The following TMEM114 variants were observed in gnomAD, a reference collection of about 807,000 sequenced individuals.
The protein encoded by TMEM114 is claudin-26.
In TMEM114, 6 loss-of-function variants were observed where a neutral mutation model predicts 6.2. The ratio of observed to expected loss-of-function variants is 0.97; its 90% CI spans 0.53 to 1.91. The LOEUF (loss-of-function observed/expected upper bound fraction) is 1.91, where lower values mean the gene tolerates loss of function less well. TMEM114 is among the 40% of genes most tolerant of loss of function. The probability of loss-of-function intolerance (pLI) is 0.01; values close to 1 mark genes in which losing one functional copy is unlikely to be tolerated. For synonymous variants in TMEM114, 104 were observed against 73.0 expected (o/e 1.42, Z -2.16); for missense variants, 218 against 158.3 (o/e 1.38, Z -2.02).
intron 2 of TMEM114, among the ~76,000 whole-genome samples, chr16:8,560,647 C>G (rs1901168953): frequency 6.6e-6 from 1 of 152,174 alleles, no homozygotes; most frequent in Admixed American, 6.5e-5. Flanking sequence ...CTATCAGCCT[C>G]TACCAGAGCA....
At chr16:8,561,425 T>G (rs1596477324) in intron 2 of TMEM114, among the ~76,000 whole-genome samples, 2 of 152,308 alleles carry the variant, frequency 1.3e-5, no homozygotes, top group South Asian at 4.1e-4. Flanking sequence ...CCACCAGCCA[T>G]GTTTACTGTC....
intron 2 of TMEM114, among the ~76,000 whole-genome samples, chr16:8,545,291 C>G (rs147145240): frequency 6.6e-6 from 1 of 152,174 alleles, no homozygotes; most frequent in African/African-American, 2.4e-5. Flanking sequence ...TAAAAAATAA[C>G]CAGGCACAGT....
intron 2 of TMEM114, among the ~76,000 whole-genome samples, chr16:8,560,756 C>T (rs1374978068): frequency 2.6e-5 from 4 of 152,154 alleles, no homozygotes; most frequent in South Asian, 2.1e-4. Flanking sequence ...GTCTGGGATC[C>T]CCCATCAGCC....
chr16:8,586,727 C>T (rs1451390393), intron 2 of TMEM114, among the ~76,000 whole-genome samples: 1 of 152,110 alleles, frequency 6.6e-6, no homozygotes, highest in Non-Finnish European at 1.5e-5. Context: ...CCAGGCTGGT[C>T]TCAAACTCCT....
At chr16:8,541,513 A>G (rs575676222) in intron 2 of TMEM114, among the ~76,000 whole-genome samples, 4 of 152,342 alleles carry the variant, frequency 2.6e-5, no homozygotes, top group African/African-American at 9.6e-5. Flanking sequence ...GAAAGATCTC[A>G]GTGTAACCAG....
intron 2 of TMEM114, among the ~76,000 whole-genome samples, chr16:8,578,604 C>T (rs1269187108): frequency 2.6e-5 from 4 of 152,158 alleles, no homozygotes; most frequent in Non-Finnish European, 5.9e-5. Context: ...TGACACCATC[C>T]ACACAGTACC....
At chr16:8,560,246 T>C (rs112088238) in intron 2 of TMEM114, among the ~76,000 whole-genome samples, 11,401 of 151,956 alleles carry the variant, frequency 0.075, 531 homozygotes, top group Middle Eastern at 0.18. Flanking sequence ...GATCCTCCTG[T>C]CTTGGCCTTC....
chr16:8,565,975 G>C (rs561368180), downstream of TMEM114, among the ~76,000 whole-genome samples: 12 of 152,282 alleles, frequency 7.9e-5, no homozygotes, highest in Admixed American at 7.2e-4. Flanking sequence ...AAATAGAAGA[G>C]GAGAGGACAA....
intron 2 of TMEM114, among the ~76,000 whole-genome samples, chr16:8,540,524 A>G (rs545443447): frequency 9.9e-5 from 15 of 152,256 alleles, no homozygotes; most frequent in East Asian, 1.9e-4. Context: ...TACTGTTATA[A>G]TAGCACCCAT....
At chr16:8,566,231 A>G (rs925816276), downstream of TMEM114, among the ~76,000 whole-genome samples, 4 of 152,070 alleles carry the variant, frequency 2.6e-5, no homozygotes, top group Non-Finnish European at 4.4e-5. Context: ...TTAGCCAGGC[A>G]TGGTGCATGG....
At chr16:8,582,088 A>G (rs1902171495) in intron 2 of TMEM114, among the ~76,000 whole-genome samples, 2 of 152,198 alleles carry the variant, frequency 1.3e-5, no homozygotes, top group Non-Finnish European at 2.9e-5. Flanking sequence ...CAGCACCCAG[A>G]AAAACTGGAA....
At chr16:8,534,635 G>A (rs1047193791), downstream of TMEM114, among the ~76,000 whole-genome samples, 2 of 152,344 alleles carry the variant, frequency 1.3e-5, no homozygotes, top group African/African-American at 4.8e-5. Context: ...GGTGCTGAAG[G>A]CAGAGGTGCT....
At chr16:8,558,443 C>G (rs1901087597) in intron 2 of TMEM114, among the ~76,000 whole-genome samples, 1 of 152,010 alleles carries the variant, frequency 6.6e-6, no homozygotes, top group Admixed American at 6.5e-5. Flanking sequence ...ATCTCTCCAT[C>G]CTCACATGGT....
rs572460084 is a variant in TMEM114, at chr16:8,574,727, C to T, written c.302-2503G>A. On this transcript the variant is annotated intron_variant, in intron 2 of 3. Coordinates refer to ENST00000620492, the MANE Select transcript of TMEM114 (RefSeq NM_001146336.2). Reference sequence around the variant, plus strand: ...GTGGCCAAGAAAGGAAATCATTTCTCGTTCAGAAATTAATGAGGTTTCCCA... The same window carrying T: ...GTGGCCAAGAAAGGAAATCATTTCTTGTTCAGAAATTAATGAGGTTTCCCA... 1.8e-4 allele frequency among the ~76,000 whole-genome samples: 28 copies of T among 152,194 alleles called. 1 individual carries two copies. Among genetic ancestry groups the T allele is most frequent in the South Asian group, 1.5e-3 (7 of 4,822 alleles).
chr16:8,532,710 G>C (rs1900253463), downstream of TMEM114, among the ~76,000 whole-genome samples: 1 of 152,056 alleles, frequency 6.6e-6, no homozygotes, highest in Admixed American at 6.6e-5. Context: ...GACTCACGAG[G>C]TCAGGAGATC....
At chr16:8,577,551 T>C (rs1445376540) in intron 2 of TMEM114, among the ~76,000 whole-genome samples, 1 of 152,064 alleles carries the variant, frequency 6.6e-6, no homozygotes, top group Non-Finnish European at 1.5e-5. Context: ...TGATTGGCAA[T>C]GTTTTCTTTT....
intron 2 of TMEM114, among the ~76,000 whole-genome samples, chr16:8,562,842 GAATA>G (rs1901311222): frequency 6.6e-6 from 1 of 150,952 alleles, no homozygotes; most frequent in African/African-American, 2.4e-5. Flanking sequence ...ATGAGTGAGT[GAATA>G]AGTGAGTGAG....
At chr16:8,544,992 A>C (rs75854855) in intron 2 of TMEM114, among the ~76,000 whole-genome samples, 1 of 151,678 alleles carries the variant, frequency 6.6e-6, no homozygotes, top group African/African-American at 2.4e-5. Context: ...TTGGCATTGA[A>C]ATGCAGTTTC....
chr16:8,555,741 G>A (rs956792268), intron 2 of TMEM114, among the ~76,000 whole-genome samples: 3 of 152,298 alleles, frequency 2.0e-5, no homozygotes, highest in Non-Finnish European at 2.9e-5. Context: ...ATCTGGAGAC[G>A]TTTTTGGTTG....
Sources: gnomAD v4.1 joint callset for allele counts (sites outside exome capture counted in the v4.1 genomes callset) on GRCh38, gnomAD v4.1.1 for gene constraint, MANE v1.5 for transcripts, NCBI Gene and HGNC (gene_info 2026-07-23, HGNC 2026-07-21) for gene names.